FBLN2: variants seen among roughly 807,000 people sequenced by gnomAD.
FBLN2 encodes fibulin-2.
Under a neutral mutation model 123.7 loss-of-function variants are expected in FBLN2, and 81 were observed. The ratio of observed to expected loss-of-function variants is 0.65; its 90% CI spans 0.55 to 0.79. The LOEUF (loss-of-function observed/expected upper bound fraction) is 0.79, where lower values mean the gene tolerates loss of function less well. FBLN2 is among the 30% of genes least tolerant of loss of function. The pLI is 0.00. For missense variants in FBLN2, 1,603 were observed against 1,681.3 expected, an observed-to-expected ratio of 0.95 and a Z score of 0.81; for synonymous variants, 699 against 701.4, an observed-to-expected ratio of 1.00 and a Z score of 0.05.
intron 1 of FBLN2, among the ~76,000 whole-genome samples, chr3:13,559,289 G>T (rs773419212): frequency 6.6e-6 from 1 of 152,022 alleles, no homozygotes; most frequent in Admixed American, 6.6e-5. Context: ...CAGTTTTTCA[G>T]TTAGCTTCAG....
intron 2 of FBLN2, among the ~76,000 whole-genome samples, chr3:13,607,540 T>G (rs2124878364): frequency 6.6e-6 from 1 of 152,242 alleles, no homozygotes; most frequent in South Asian, 2.1e-4. Flanking sequence ...AAAACTTCCG[T>G]GAATTTCCTG....
chr3:13,559,915 T>A (rs2125035052), intron 1 of FBLN2, among the ~76,000 whole-genome samples: 1 of 152,248 alleles, frequency 6.6e-6, no homozygotes, highest in African/African-American at 2.4e-5. Flanking sequence ...TGGGTGTGCC[T>A]CCTTCTAGGG....
At chr3:13,600,877 A>G (rs549355884) in intron 2 of FBLN2, among the ~76,000 whole-genome samples, 44 of 152,240 alleles carry the variant, frequency 2.9e-4, no homozygotes, top group African/African-American at 7.7e-4. Context: ...CGGCCTCCCA[A>G]AGTGCTGGGA....
intron 10 of FBLN2, 67 bp from the exon 11 acceptor site, chr3:13,627,765 G>C: frequency 6.6e-7 from 1 of 1,511,924 alleles, no homozygotes; most frequent in Non-Finnish European, 8.9e-7. Flanking sequence ...GGATGTGTGG[G>C]CAGGGCTGCT....
intron 2 of FBLN2, among the ~76,000 whole-genome samples, chr3:13,599,958 G>T (rs989050676): frequency 6.6e-6 from 1 of 151,274 alleles, no homozygotes; most frequent in Admixed American, 6.6e-5. Context: ...TTGGAGAAGA[G>T]AAGAAGCCCC....
At chr3:13,593,833 A>G (rs1203636744) in intron 2 of FBLN2, among the ~76,000 whole-genome samples, 2 of 152,128 alleles carry the variant, frequency 1.3e-5, no homozygotes, top group East Asian at 3.9e-4. Flanking sequence ...AGTGGGTGAC[A>G]TATTCAGAAG....
Position 13,629,833 on chromosome 3 carries a change from C to A in FBLN2, c.2856C>A (p.Cys952Ter). 6.3e-7 allele frequency: 1 copy of A among 1,576,062 alleles called. No individual in the cohort carries two copies. Among genetic ancestry groups the A allele is most frequent in the Non-Finnish European group, 8.6e-7 (1 of 1,161,354 alleles). ...FGRGCIDVNE[C>*]WASPGRLCQH... is the part of the protein sequence containing the mutation. ...GCCCTCCCACAGACGTGAATGAGTG[C>A]TGGGCCTCGCCAGGCCGCCTGTGCC... Residue 952 changes from cysteine (C) to a stop codon, truncating the protein, a stop_gained, in exon 14 of 18, where the codon TGC (cysteine) becomes TGA (stop). Coordinates refer to ENST00000404922, the MANE Select transcript of FBLN2 (RefSeq NM_001004019.2). LOFTEE classifies it high-confidence loss of function.
At position 13,585,950 on chromosome 3, in the gene FBLN2, T is replaced by C. The variant is rs576920214; in HGVS notation, c.1306+14289T>C. ...GGCACTACTGTGCGCTAGTGTGTTATTTGGCTTTCTACTTATTTGAAAAAT... is the reference window on the plus strand; with the variant it reads ...GGCACTACTGTGCGCTAGTGTGTTACTTGGCTTTCTACTTATTTGAAAAAT... On this transcript the variant is annotated intron_variant, in intron 2 of 17. Coordinates refer to ENST00000404922, the MANE Select transcript of FBLN2 (RefSeq NM_001004019.2). Among the ~76,000 whole-genome samples, 4 of 152,322 alleles carry C rather than the reference T, an allele frequency of 2.6e-5. No individual in the cohort carries two copies. The East Asian group carries it at 5.8e-4, about 22-fold the overall frequency.
chr3:13,631,255 G>A (rs1706245294), intron 15 of FBLN2, 74 bp from the exon 16 acceptor site: 1 of 1,538,654 alleles, frequency 6.5e-7, no homozygotes, highest in Admixed American at 1.9e-5. Context: ...GCTGTGACAG[G>A]GACAGGCTGA....
chr3:13,573,267 G>T (rs1411745228), intron 2 of FBLN2, among the ~76,000 whole-genome samples: 1 of 152,010 alleles, frequency 6.6e-6, no homozygotes, highest in East Asian at 1.9e-4. Context: ...CTGGCTAAGG[G>T]GCCTTTGCAC....
chr3:13,620,210 G>T (rs1705802481), intron 8 of FBLN2, among the ~76,000 whole-genome samples: 1 of 152,138 alleles, frequency 6.6e-6, no homozygotes, highest in African/African-American at 2.4e-5. Flanking sequence ...AATAGGTCTG[G>T]GTGGGTGGGC....
At chr3:13,589,352 C>G (rs775285840) in intron 2 of FBLN2, among the ~76,000 whole-genome samples, 2 of 152,186 alleles carry the variant, frequency 1.3e-5, no homozygotes, top group Admixed American at 6.5e-5. Flanking sequence ...TTCTAAGGAG[C>G]AGCTGGAAGT....
rs746895368 is a variant in FBLN2 at position 13,636,431 on chromosome 3, C to T, written c.3215-14C>T. 16 of 1,612,968 alleles carry T rather than the reference C, an allele frequency of 9.9e-6. No individual in the cohort carries two copies. The South Asian group carries it at 1.4e-4, about 14-fold the overall frequency. On this transcript the variant is annotated splice_polypyrimidine_tract_variant and intron_variant, in intron 16 of 17. Transcript: ENST00000404922. ...AGCTGTGGGGACCCTGCCATTGCCC[C>T]TCTTCTCCCCCAGACGTGGATGAGT...
At chr3:13,561,083 T>C (rs1703588589) in intron 1 of FBLN2, among the ~76,000 whole-genome samples, 2 of 152,236 alleles carry the variant, frequency 1.3e-5, no homozygotes, top group African/African-American at 4.8e-5. Context: ...CCCCCATAGG[T>C]CCTCTGATTT....
intron 1 of FBLN2, among the ~76,000 whole-genome samples, chr3:13,557,885 C>T (rs1249804353): frequency 6.6e-6 from 1 of 152,240 alleles, no homozygotes; most frequent in Non-Finnish European, 1.5e-5. Flanking sequence ...AATTTGAGCT[C>T]TGATCTCTGG....
chr3:13,560,479 GTC>G (rs1301445596), intron 1 of FBLN2, among the ~76,000 whole-genome samples: 1 of 152,058 alleles, frequency 6.6e-6, no homozygotes, highest in African/African-American at 2.4e-5. Flanking sequence ...CCTCCTTGGG[GTC>G]TCACACCACC....
At chr3:13,599,516 T>A (rs1358287985) in intron 2 of FBLN2, among the ~76,000 whole-genome samples, 2 of 151,980 alleles carry the variant, frequency 1.3e-5, no homozygotes, top group Non-Finnish European at 2.9e-5. Flanking sequence ...CGGGGGGTCA[T>A]AGGCGCAGGA....
At chr3:13,579,975 C>T (rs1704270698) in intron 2 of FBLN2, among the ~76,000 whole-genome samples, 1 of 152,246 alleles carries the variant, frequency 6.6e-6, no homozygotes. Flanking sequence ...GAAACCACCT[C>T]TCTTGACTTC....
chr3:13,630,811 C>T lies in FBLN2; in HGVS notation c.3081C>T (p.Cys1027=), dbSNP rs1706229977. Residue 1027 remains cysteine, a synonymous_variant, in exon 15 of 18, where the codon TGC becomes TGT. Coordinates refer to ENST00000404922, the MANE Select transcript of FBLN2 (RefSeq NM_001004019.2). ...AGCTGGCTGAGGATGGGCACACCTG[C>T]ACAGGTACCTCTCCCCTGTCCAAGG... The part of the protein sequence containing the change: ...GYQLAEDGHT[C]TDIDECAQGA... The T allele has an allele frequency of 1.3e-6, 2 of 1,597,248 alleles. No individual in the cohort carries two copies. The highest frequency in any genetic ancestry group is 1.3e-5 in the African/African-American group (1 of 74,656).
Sources: allele counts gnomAD v4.1 joint callset (sites outside exome capture counted in the v4.1 genomes callset), GRCh38; gene constraint gnomAD v4.1.1; transcripts MANE v1.5; gene names NCBI Gene and HGNC (gene_info 2026-07-23, HGNC 2026-07-21).